C7orf78: variants seen among roughly 807,000 people sequenced by gnomAD.
C7orf78 encodes chromosome 7 open reading frame 78, also known as putative uncharacterized protein C7orf78.
the C7orf78 span, among the ~76,000 whole-genome samples, chr7:12,487,256 T>C: frequency 6.6e-6 from 1 of 152,116 alleles, no homozygotes; most frequent in Admixed American, 6.6e-5. Context: ...CTTAATGTTG[T>C]TATTCTAGAA....
chr7:12,492,108 T>C, the C7orf78 span: 7 of 152,210 alleles, frequency 4.6e-5, no homozygotes, highest in African/African-American at 1.4e-4. Context: ...TTTCTGCCAG[T>C]GTCTGACCCC....
At chr7:12,534,579 A>G in the C7orf78 span, among the ~76,000 whole-genome samples, 1 of 152,206 alleles carries the variant, frequency 6.6e-6, no homozygotes, top group South Asian at 2.1e-4. Context: ...TTTGCTACTC[A>G]TATAAGCAAG....
chr7:12,534,357 C>T, the C7orf78 span, among the ~76,000 whole-genome samples: 1 of 152,068 alleles, frequency 6.6e-6, no homozygotes, highest in Non-Finnish European at 1.5e-5. Flanking sequence ...GAAGTAAATT[C>T]ATGTGGATTA....
At chr7:12,496,639 G>A in the C7orf78 span, 1 of 152,076 alleles carries the variant, frequency 6.6e-6, no homozygotes, top group African/African-American at 2.4e-5. Flanking sequence ...TATTCTTATA[G>A]GTTTGTATCT....
the C7orf78 span, among the ~76,000 whole-genome samples, chr7:12,508,233 A>T: frequency 0.012 from 1,756 of 152,294 alleles, 24 homozygotes; most frequent in Non-Finnish European, 0.019. Flanking sequence ...TATATATAGG[A>T]ATGAATCTGG....
the C7orf78 span, chr7:12,504,289 G>A: frequency 6.6e-6 from 1 of 152,190 alleles, no homozygotes; most frequent in Admixed American, 6.5e-5. Context: ...ATAAAAGCAT[G>A]AGAGTTATTG....
At chr7:12,504,204 A>G in the C7orf78 span, among the ~76,000 whole-genome samples, 5 of 152,174 alleles carry the variant, frequency 3.3e-5, no homozygotes, top group Admixed American at 6.5e-5. Flanking sequence ...TTGGAGTTCA[A>G]TTATTCATGT....
At chr7:12,515,260 C>T in the C7orf78 span, among the ~76,000 whole-genome samples, 7 of 152,108 alleles carry the variant, frequency 4.6e-5, no homozygotes, top group Admixed American at 2.0e-4. Context: ...ATACTATTCT[C>T]GTGATAGTGA....
chr7:12,522,818 AT>A, the C7orf78 span, among the ~76,000 whole-genome samples: 2 of 152,052 alleles, frequency 1.3e-5, no homozygotes, highest in Admixed American at 6.6e-5. Context: ...CAGCAATGAT[AT>A]TTTTTTCCTT....
chr7:12,488,913 GTT>G, the C7orf78 span, among the ~76,000 whole-genome samples: 1 of 143,448 alleles, frequency 7.0e-6, no homozygotes. Flanking sequence ...GGTTTGATTG[GTT>G]TTTTTTTTTT....
At chr7:12,487,833 C>A in the C7orf78 span, among the ~76,000 whole-genome samples, 1 of 151,978 alleles carries the variant, frequency 6.6e-6, no homozygotes, top group Non-Finnish European at 1.5e-5. Flanking sequence ...AGTCAATGTA[C>A]TTGTTTAAAA....
the C7orf78 span, among the ~76,000 whole-genome samples, chr7:12,531,933 G>A: frequency 5.9e-5 from 9 of 152,194 alleles, no homozygotes; most frequent in African/African-American, 1.7e-4. Context: ...TGGAGGAGGC[G>A]GTGTCTGATT....
At chr7:12,494,106 A>G in the C7orf78 span, among the ~76,000 whole-genome samples, 1 of 152,186 alleles carries the variant, frequency 6.6e-6, no homozygotes, top group African/African-American at 2.4e-5. Flanking sequence ...GGAATTATAA[A>G]CCACTGGAGG....
At chr7:12,502,223 T>C in the C7orf78 span, among the ~76,000 whole-genome samples, 11 of 107,096 alleles carry the variant, frequency 1.0e-4, no homozygotes, top group African/African-American at 3.7e-4. Flanking sequence ...AAAGCCAAAA[T>C]TGACAAATGG....
At chr7:12,483,878 CAAA>C in the C7orf78 span, 70,504 of 117,554 alleles carry the variant, frequency 0.6, 21,118 homozygotes, top group African/African-American at 0.8. Context: ...AACTCCATCT[CAAA>C]AAAAAAAAAA....
At chr7:12,524,059 C>T in the C7orf78 span, among the ~76,000 whole-genome samples, 1 of 152,072 alleles carries the variant, frequency 6.6e-6, no homozygotes, top group African/African-American at 2.4e-5. Context: ...ACTGATAGAA[C>T]AGGATCTAGA....
At chr7:12,524,057 A>T in the C7orf78 span, among the ~76,000 whole-genome samples, 299 of 152,296 alleles carry the variant, frequency 2.0e-3, no homozygotes, top group African/African-American at 6.8e-3. Flanking sequence ...GAACTGATAG[A>T]ACAGGATCTA....
chr7:12,539,401 T>C, the C7orf78 span, among the ~76,000 whole-genome samples: 4 of 151,828 alleles, frequency 2.6e-5, no homozygotes, highest in Non-Finnish European at 5.9e-5. Flanking sequence ...GAGGTGGAGC[T>C]TGCAGTGAAC....
At chr7:12,534,273 T>C in the C7orf78 span, among the ~76,000 whole-genome samples, 44 of 152,308 alleles carry the variant, frequency 2.9e-4, no homozygotes, top group African/African-American at 9.4e-4. Context: ...TTTTCCGTAA[T>C]TTAAGATTAT....
Sources: allele counts gnomAD v4.1 joint callset (sites outside exome capture counted in the v4.1 genomes callset), GRCh38; gene constraint gnomAD v4.1.1; transcripts MANE v1.5; gene names NCBI Gene and HGNC (gene_info 2026-07-23, HGNC 2026-07-21).